GALNT13: variants seen among roughly 807,000 people sequenced by gnomAD.
The protein encoded by GALNT13 is polypeptide N-acetylgalactosaminyltransferase 13, also known as UDP-GalNAc:polypeptide N-acetylgalactosaminyltransferase 13.
A neutral mutation model predicts 64.2 loss-of-function variants in GALNT13; 28 were observed. The observed-to-expected ratio is 0.44, with a 90% CI of 0.32 to 0.60. GALNT13 has a LOEUF of 0.60. Among genes scored for constraint, GALNT13 ranks in the 20% least tolerant of loss-of-function variants. The pLI, the probability that GALNT13 is intolerant of heterozygous loss-of-function variation, is 0.05. For missense variants in GALNT13, 577 were observed against 669.8 expected (o/e 0.86, Z 1.53); for synonymous variants, 214 against 224.6 (o/e 0.95, Z 0.42).
At chr2:153,753,775 G>A in the GALNT13 span, among the ~76,000 whole-genome samples, 1 of 152,238 alleles carries the variant, frequency 6.6e-6, no homozygotes, top group African/African-American at 2.4e-5. Flanking sequence ...AAAGCCAACT[G>A]TGCCTGTTTC....
At chr2:153,778,131 G>A in the GALNT13 span, among the ~76,000 whole-genome samples, 12 of 152,192 alleles carry the variant, frequency 7.9e-5, no homozygotes, top group Admixed American at 3.9e-4. Context: ...CTCCTATGCC[G>A]GTGTGCTCCT....
the GALNT13 span, among the ~76,000 whole-genome samples, chr2:153,729,891 A>G: frequency 1.3e-5 from 2 of 151,940 alleles, no homozygotes; most frequent in Non-Finnish European, 2.9e-5. Context: ...AAATAGTAAA[A>G]TATCCAGAAA....
the GALNT13 span, among the ~76,000 whole-genome samples, chr2:153,835,641 T>A: frequency 6.6e-6 from 1 of 152,070 alleles, no homozygotes; most frequent in Non-Finnish European, 1.5e-5. Flanking sequence ...AATATAGAAA[T>A]ACTTTGATAA....
chr2:153,204,818 C>T, the GALNT13 span, among the ~76,000 whole-genome samples: 2 of 152,152 alleles, frequency 1.3e-5, 1 homozygote, highest in African/African-American at 4.8e-5. Context: ...TTGTATATGG[C>T]CCATCTGGGA....
At chr2:153,603,325 CA>C in the GALNT13 span, among the ~76,000 whole-genome samples, 1 of 151,818 alleles carries the variant, frequency 6.6e-6, no homozygotes, top group Non-Finnish European at 1.5e-5. Context: ...AGAGAAACAA[CA>C]GGAAAAGAAC....
At chr2:153,435,141 G>T in the GALNT13 span, among the ~76,000 whole-genome samples, 1 of 152,132 alleles carries the variant, frequency 6.6e-6, no homozygotes, top group Non-Finnish European at 1.5e-5. Flanking sequence ...TATAGTTGTA[G>T]ATATGCGGCA....
chr2:154,353,778 G>A (rs1429208822), intron 9 of GALNT13, among the ~76,000 whole-genome samples: 1 of 152,086 alleles, frequency 6.6e-6, no homozygotes, highest in African/African-American at 2.4e-5. Flanking sequence ...ATTCCATTGT[G>A]TAGGATGGGT....
At chr2:153,565,158 G>A in the GALNT13 span, among the ~76,000 whole-genome samples, 1 of 152,104 alleles carries the variant, frequency 6.6e-6, no homozygotes, top group Non-Finnish European at 1.5e-5. Flanking sequence ...GGTGTGCGTT[G>A]TTTTAAGCTG....
the GALNT13 span, among the ~76,000 whole-genome samples, chr2:153,504,259 T>C: frequency 6.6e-6 from 1 of 152,242 alleles, no homozygotes; most frequent in Non-Finnish European, 1.5e-5. Flanking sequence ...GCTGAATTCA[T>C]CTACCAGTTC....
chr2:153,919,488 A>C (rs1285966267), intron 2 of GALNT13, among the ~76,000 whole-genome samples: 1 of 152,048 alleles, frequency 6.6e-6, no homozygotes, highest in African/African-American at 2.4e-5. Flanking sequence ...TAATGTTCTT[A>C]ACAATGATGC....
chr2:153,819,966 G>A, the GALNT13 span, among the ~76,000 whole-genome samples: 4 of 152,174 alleles, frequency 2.6e-5, no homozygotes, highest in Non-Finnish European at 5.9e-5. Context: ...TTGGAAGAAA[G>A]CCCAATGAGA....
chr2:153,949,281 A>G (rs540556552), intron 3 of GALNT13, among the ~76,000 whole-genome samples: 12 of 152,252 alleles, frequency 7.9e-5, no homozygotes, highest in African/African-American at 2.2e-4. Flanking sequence ...GAATGACTGA[A>G]TATATATTCA....
intron 3 of GALNT13, among the ~76,000 whole-genome samples, chr2:154,036,856 C>T (rs1175966182): frequency 6.6e-6 from 1 of 151,684 alleles, no homozygotes; most frequent in Non-Finnish European, 1.5e-5. Flanking sequence ...TTTGTTCCAC[C>T]CAAGGAATTC....
At chr2:154,392,199 A>G (rs1226107702) in intron 9 of GALNT13, among the ~76,000 whole-genome samples, 1 of 152,182 alleles carries the variant, frequency 6.6e-6, no homozygotes, top group Admixed American at 6.5e-5. Context: ...CACCAAGACA[A>G]CCAGTATTTA....
the GALNT13 span, among the ~76,000 whole-genome samples, chr2:153,192,951 C>T: frequency 6.6e-6 from 1 of 151,920 alleles, no homozygotes; most frequent in Non-Finnish European, 1.5e-5. Context: ...TCTAGCAGTC[C>T]ATGTCTTTTA....
intron 9 of GALNT13, among the ~76,000 whole-genome samples, chr2:154,319,192 A>C (rs1694487620): frequency 6.6e-6 from 1 of 152,212 alleles, no homozygotes; most frequent in African/African-American, 2.4e-5. Flanking sequence ...GAATCTGAGA[A>C]GTTAAAAGTA....
the GALNT13 span, among the ~76,000 whole-genome samples, chr2:153,838,524 C>G: frequency 6.6e-6 from 1 of 151,800 alleles, no homozygotes; most frequent in African/African-American, 2.4e-5. Context: ...CGGCCCTTTC[C>G]CCATTGTGTA....
chr2:153,402,164 T>G, the GALNT13 span, among the ~76,000 whole-genome samples: 1 of 146,722 alleles, frequency 6.8e-6, no homozygotes, highest in African/African-American at 2.6e-5. Flanking sequence ...CTGTAAAGTA[T>G]TTTATTTGTC....
the GALNT13 span, among the ~76,000 whole-genome samples, chr2:153,497,745 C>T: frequency 6.6e-6 from 1 of 151,744 alleles, no homozygotes; most frequent in African/African-American, 2.4e-5. Flanking sequence ...ACCATGTTGG[C>T]CAGGCTGGTC....
Sources: gnomAD v4.1 joint callset for allele counts (sites outside exome capture counted in the v4.1 genomes callset) on GRCh38, gnomAD v4.1.1 for gene constraint, MANE v1.5 for transcripts, NCBI Gene and HGNC (gene_info 2026-07-23, HGNC 2026-07-21) for gene names.